MICU1: variants seen among roughly 807,000 people sequenced by gnomAD.
MICU1 encodes mitochondrial calcium uptake 1.
In MICU1, 45 loss-of-function variants were observed where a neutral mutation model predicts 56.8. That is an observed-to-expected ratio of 0.79 (90% CI 0.62 to 1.02). MICU1 has a LOEUF of 1.02. Ranked by LOEUF, MICU1 falls within the 50% of genes least tolerant of loss-of-function variation. The probability of loss-of-function intolerance (pLI) is 0.00; values close to 1 mark genes in which losing one functional copy is unlikely to be tolerated. For synonymous variants in MICU1, 186 were observed against 195.1 expected (o/e 0.95, Z 0.39); for missense variants, 504 against 587.1 (o/e 0.86, Z 1.46).
In MICU1 at chr10:72,533,684, A is replaced by G; in HGVS notation, c.537+62T>C. On this transcript the variant is annotated intron_variant, in intron 5 of 11. Transcript: ENST00000361114. Reference sequence around the variant, plus strand: ...GATTTCTCAAACATAACTATAGAGGAACTTAAAAATCTTCTTAGTAAATGA... The same window carrying G: ...GATTTCTCAAACATAACTATAGAGGGACTTAAAAATCTTCTTAGTAAATGA... 3 of 1,228,226 alleles carry G rather than the reference A, an allele frequency of 2.4e-6. No individual in the cohort carries two copies. The South Asian group carries it at 4.3e-5, about 17-fold the overall frequency. The allele number at this position is 1,228,226 out of a possible 1,614,324, so 76.1% of individuals were successfully genotyped here. A position where few individuals can be genotyped will look rare whatever the true frequency, so the allele number is the denominator to read the frequency against.
intron 9 of MICU1, among the ~76,000 whole-genome samples, chr10:72,419,055 C>T (rs977223060): frequency 3.3e-5 from 5 of 152,182 alleles, no homozygotes; most frequent in African/African-American, 1.2e-4. Context: ...CCTGCCAATG[C>T]TCAAATACTC....
chr10:72,512,807 T>C (rs1422541271), intron 5 of MICU1, among the ~76,000 whole-genome samples: 1 of 152,080 alleles, frequency 6.6e-6, no homozygotes, highest in Non-Finnish European at 1.5e-5. Context: ...TCAGCTCAGG[T>C]GATCCTCCCA....
intron 3 of MICU1, chr10:72,560,135 G>C (rs1187587018): frequency 1.3e-5 from 2 of 152,274 alleles, no homozygotes; most frequent in African/African-American, 4.8e-5. Context: ...AGTAGCAAGA[G>C]AAAAATACAT....
chr10:72,538,822 A>T (rs1839699090), intron 4 of MICU1, among the ~76,000 whole-genome samples: 1 of 152,078 alleles, frequency 6.6e-6, no homozygotes, highest in Non-Finnish European at 1.5e-5. Context: ...AATTTTTTTT[A>T]AAAAGACCCA....
chr10:72,469,485 A>G (rs1425271052), intron 8 of MICU1, among the ~76,000 whole-genome samples: 1 of 152,246 alleles, frequency 6.6e-6, no homozygotes, highest in Non-Finnish European at 1.5e-5. Flanking sequence ...ACCCAAACTT[A>G]GAAAAGTGAA....
intron 1 of MICU1, among the ~76,000 whole-genome samples, chr10:72,570,852 T>C (rs1840592486): frequency 6.6e-6 from 1 of 151,870 alleles, no homozygotes; most frequent in African/African-American, 2.4e-5. Flanking sequence ...TTTCTTCCTG[T>C]CTGGCAACTT....
chr10:72,443,983 C>A (rs950245556), intron 8 of MICU1, among the ~76,000 whole-genome samples: 18 of 151,976 alleles, frequency 1.2e-4, no homozygotes, highest in Non-Finnish European at 2.6e-4. Context: ...AAATGTCCAA[C>A]AAGGATAGAC....
At chr10:72,581,039 C>T (rs1311071417) in intron 1 of MICU1, among the ~76,000 whole-genome samples, 1 of 152,156 alleles carries the variant, frequency 6.6e-6, no homozygotes, top group South Asian at 2.1e-4. Flanking sequence ...CTAAAAATTA[C>T]AGTATGCCCA....
At chr10:72,502,501 G>A (rs1017704424) in intron 6 of MICU1, among the ~76,000 whole-genome samples, 1 of 152,050 alleles carries the variant, frequency 6.6e-6, no homozygotes, top group South Asian at 2.1e-4. Context: ...GAAATATGGC[G>A]GTCCCACAGC....
At chr10:72,540,940 T>G (rs1839758596) in intron 4 of MICU1, among the ~76,000 whole-genome samples, 1 of 152,262 alleles carries the variant, frequency 6.6e-6, no homozygotes, top group South Asian at 2.1e-4. Context: ...TAAAGCAGGC[T>G]GACAAATCTG....
At chr10:72,474,629 C>A (rs1370779359) in intron 8 of MICU1, among the ~76,000 whole-genome samples, 1 of 152,290 alleles carries the variant, frequency 6.6e-6, no homozygotes, top group South Asian at 2.1e-4. Flanking sequence ...GTAGCTGGGA[C>A]TATGGGTGTA....
At chr10:72,587,071 A>T (rs939485707) in intron 1 of MICU1, among the ~76,000 whole-genome samples, 1 of 152,196 alleles carries the variant, frequency 6.6e-6, no homozygotes, top group African/African-American at 2.4e-5. Context: ...CTTTGAGCAA[A>T]GGCAGTGAGC....
At chr10:72,378,250 C>T (rs1450084413) in intron 10 of MICU1, among the ~76,000 whole-genome samples, 1 of 152,118 alleles carries the variant, frequency 6.6e-6, no homozygotes, top group African/African-American at 2.4e-5. Flanking sequence ...GGGACTCTGT[C>T]TCACAAAAGC....
intron 10 of MICU1, among the ~76,000 whole-genome samples, chr10:72,383,970 C>T (rs1254314924): frequency 6.6e-6 from 1 of 150,936 alleles, no homozygotes; most frequent in East Asian, 1.9e-4. Flanking sequence ...CTAGGTTTTG[C>T]ATTTTTAAAC....
At chr10:72,435,740 C>T (rs1201397357) in intron 8 of MICU1, among the ~76,000 whole-genome samples, 1 of 152,262 alleles carries the variant, frequency 6.6e-6, no homozygotes, top group Non-Finnish European at 1.5e-5. Context: ...AGATTCTCTC[C>T]GGTGCCTGGC....
intron 2 of MICU1, among the ~76,000 whole-genome samples, chr10:72,566,192 C>T (rs1397721877): frequency 6.6e-6 from 1 of 152,020 alleles, no homozygotes; most frequent in Non-Finnish European, 1.5e-5. Flanking sequence ...GGACTACAGG[C>T]TCACGCCCTG....
At chr10:72,415,721 T>G (rs1296344366) in intron 9 of MICU1, among the ~76,000 whole-genome samples, 1 of 152,156 alleles carries the variant, frequency 6.6e-6, no homozygotes, top group South Asian at 2.1e-4. Context: ...CTAGCTATCT[T>G]CCTAAGAATC....
At chr10:72,385,849 G>A (rs1157237103) in intron 10 of MICU1, among the ~76,000 whole-genome samples, 1 of 152,212 alleles carries the variant, frequency 6.6e-6, no homozygotes, top group East Asian at 1.9e-4. Flanking sequence ...GCAGACTGAG[G>A]CGAGAGATTC....
intron 1 of MICU1, among the ~76,000 whole-genome samples, chr10:72,598,984 A>G (rs1038523942): frequency 1.3e-5 from 2 of 152,162 alleles, no homozygotes; most frequent in Non-Finnish European, 2.9e-5. Flanking sequence ...AAAGAGAGCT[A>G]TTAATACACC....
Sources: allele counts gnomAD v4.1 joint callset (sites outside exome capture counted in the v4.1 genomes callset), GRCh38; gene constraint gnomAD v4.1.1; transcripts MANE v1.5; gene names NCBI Gene and HGNC (gene_info 2026-07-23, HGNC 2026-07-21).